RPL13A: variants seen among roughly 807,000 people sequenced by gnomAD.
RPL13A encodes large ribosomal subunit protein uL13.
In RPL13A, 4 loss-of-function variants were observed where a neutral mutation model predicts 30.8. The ratio of observed to expected loss-of-function variants is 0.13; its 90% confidence interval spans 0.06 to 0.30. The LOEUF is 0.30. Among genes scored for constraint, RPL13A ranks in the 10% least tolerant of loss-of-function variants. The pLI is 1.00. For synonymous variants in RPL13A, 108 were observed against 104.2 expected, an observed-to-expected ratio of 1.04 and a Z score of -0.22; for missense variants, 196 against 272.6, an observed-to-expected ratio of 0.72 and a Z score of 1.98.
intron 2 of RPL13A, 72 bp downstream of exon 2, chr19:49,489,994 TTTC>T: frequency 2.3e-6 from 3 of 1,282,088 alleles, no homozygotes; most frequent in Non-Finnish European, 3.4e-6. Flanking sequence ...ATTCACCATC[TTTC>T]GTTTGAGTCT....
In RPL13A at chr19:49,490,244, T is replaced by C. The variant is rs1457515505; in HGVS notation, c.101T>C (p.Val34Ala). The change falls in exon 3 of 8, where the codon GTG becomes GCG. Residue 34 changes from valine to alanine, a missense_variant. Coordinates refer to ENST00000391857, the MANE Select transcript of RPL13A (RefSeq NM_012423.4). ...TCCCTCCCTCTAGGCCGGAAGGTGG[T>C]GGTCGTACGCTGTGAAGGCATCAAC... ...AKQVLLGRKVVVVRCEGINIS... is the reference protein window; with the variant it reads ...AKQVLLGRKVAVVRCEGINIS... 1.9e-6 allele frequency: 3 copies of C among 1,613,948 alleles called. No homozygotes were observed. Among genetic ancestry groups the C allele is most frequent in the Non-Finnish European group, 2.5e-6 (3 of 1,180,038 alleles).
Position 49,490,573 on chromosome 19 carries a change from C to A in RPL13A, c.253C>A (p.Arg85=), listed in dbSNP as rs562870052. ...CAGCCGCATCTTCTGGCGGACCGTG[C>A]GAGGTGAGCAGAGCGTGGGGACTGC... The part of the protein sequence containing the change: ...APSRIFWRTV[R]GMLPHKTKRG... The change falls in exon 4 of 8, where the codon CGA becomes AGA. Residue 85 remains arginine (R), a synonymous_variant. Coordinates refer to ENST00000391857, the MANE Select transcript of RPL13A (RefSeq NM_012423.4). 6.2e-7 allele frequency: 1 copy of A among 1,614,134 alleles called. No individual in the cohort carries two copies. Among genetic ancestry groups the A allele is most frequent in the African/African-American group, 1.3e-5 (1 of 75,066 alleles).
intron 2 of RPL13A, 128 bp downstream of exon 2, chr19:49,490,050 C>T (rs1189813270): frequency 1.0e-6 from 1 of 1,001,744 alleles, no homozygotes; most frequent in Admixed American, 1.7e-5. Flanking sequence ...TGAGACCTGC[C>T]AGCCACTCTT....
chr19:49,492,021 T>G lies in RPL13A; in HGVS notation c.*206T>G. On this transcript the variant is annotated 3_prime_UTR_variant, in exon 8 of 8. Coordinates refer to ENST00000391857, the MANE Select transcript of RPL13A (RefSeq NM_012423.4). ...GAGAATTGTGCAGGTGTCATTTATC[T>G]ATGACCAATAGGAAGAGCAACCAGT... 1 of 549,828 alleles carries G rather than the reference T, an allele frequency of 1.8e-6. No homozygotes were observed. Among genetic ancestry groups the G allele is most frequent in the Non-Finnish European group, 3.3e-6 (1 of 305,322 alleles). 34.1% of individuals were successfully genotyped at this position (549,828 alleles called of 1,614,324 possible). A position where few individuals can be genotyped will look rare whatever the true frequency, so the allele number is the denominator to read the frequency against.
At chr19:49,488,456 C>T (rs763854776) in intron 1 of RPL13A, among the ~76,000 whole-genome samples, 1 of 152,196 alleles carries the variant, frequency 6.6e-6, no homozygotes, top group African/African-American at 2.4e-5. Flanking sequence ...TTGTGTTCAC[C>T]AAGCATGTGT....
intron 6 of RPL13A, 159 bp downstream of exon 6, chr19:49,491,258 G>A: frequency 8.5e-7 from 1 of 1,179,786 alleles, no homozygotes; most frequent in South Asian, 1.2e-5. Context: ...CTGATGCCAG[G>A]AGGCTTGGGT....
chr19:49,490,439 A>G, intron 3 of RPL13A, 36 bp from the exon 4 acceptor site: 1 of 1,607,866 alleles, frequency 6.2e-7, no homozygotes, highest in Non-Finnish European at 8.5e-7. Context: ...GGGTGCTGGT[A>G]GACTGGGCAG....
chr19:49,488,770 A>G (rs2079834818), intron 1 of RPL13A, among the ~76,000 whole-genome samples: 1 of 152,192 alleles, frequency 6.6e-6, no homozygotes, highest in African/African-American at 2.4e-5. Flanking sequence ...CAATGGTGCG[A>G]TCTTGGCTCA....
chr19:49,489,507 A>G (rs997318371), intron 1 of RPL13A, among the ~76,000 whole-genome samples: 1 of 152,168 alleles, frequency 6.6e-6, no homozygotes, highest in African/African-American at 2.4e-5. Flanking sequence ...ATTAGTTACA[A>G]GGTCTTGTAA....
rs183882462 is a variant in RPL13A, at chr19:49,487,845, C to T, written c.15+201C>T. Among the ~76,000 whole-genome samples the T allele has an allele frequency of 5.9e-5, 9 of 152,306 alleles. No homozygotes were observed. In the East Asian group the frequency reaches 7.7e-4, roughly 13 times the overall value. ...TAGGGTTGGCTACAATGTGGCATTT[C>T]CTTCTCGAGGCGAGGGTGATAGAGC... On this transcript the variant is annotated intron_variant, in intron 1 of 7. Coordinates refer to ENST00000391857, the MANE Select transcript of RPL13A (RefSeq NM_012423.4).
Position 49,490,542 on chromosome 19 carries a change from G to A in RPL13A, c.222G>A (p.Arg74=). ...CTTCCCGAGGCCCCTACCACTTCCG[G>A]GCCCCCAGCCGCATCTTCTGGCGGA... ...TNPSRGPYHF[R]APSRIFWRTV... Residue 74 remains arginine (R), a synonymous_variant, in exon 4 of 8, where the codon CGG becomes CGA. Transcript: ENST00000391857. The A allele has an allele frequency of 6.2e-7, 1 of 1,614,174 alleles. No individual in the cohort carries two copies. The highest frequency in any genetic ancestry group is 1.6e-4 in the Middle Eastern group (1 of 6,062).
chr19:49,491,652 TG>T, intron 7 of RPL13A, 76 bp from the exon 8 acceptor site: 1 of 1,575,394 alleles, frequency 6.3e-7, no homozygotes, highest in Non-Finnish European at 8.6e-7. Context: ...CAGCCGGGGT[TG>T]GGGTGGGATG....
chr19:49,491,286 G>A (rs1178093932), intron 6 of RPL13A, 139 bp from the exon 7 acceptor site: 1 of 1,150,212 alleles, frequency 8.7e-7, no homozygotes, highest in African/African-American at 1.5e-5. Flanking sequence ...TTTCTAACAG[G>A]CCTGCAGAGA....
chr19:49,489,734 T>A (rs763321525), intron 1 of RPL13A, 116 bp from the exon 2 acceptor site: 1 of 833,574 alleles, frequency 1.2e-6, no homozygotes, highest in Admixed American at 1.8e-5. Context: ...CCAGCTCTGA[T>A]GGCTGGGTGC....
At chr19:49,487,735 G>A (rs78663425) in intron 1 of RPL13A, 91 bp downstream of exon 1, 7 of 1,317,168 alleles carry the variant, frequency 5.3e-6, no homozygotes, top group Admixed American at 3.4e-5. Flanking sequence ...CATGTTTTGC[G>A]GAGCTTAACA....
At chr19:49,489,089 A>G (rs1233197512) in intron 1 of RPL13A, among the ~76,000 whole-genome samples, 1 of 152,228 alleles carries the variant, frequency 6.6e-6, no homozygotes, top group Non-Finnish European at 1.5e-5. Flanking sequence ...CAGAGCTAGC[A>G]TGGGCTTTTG....
chr19:49,490,959 ACTGGCTGAGACG>A (rs781353676), intron 5 of RPL13A, 69 bp from the exon 6 acceptor site: 1 of 1,604,170 alleles, frequency 6.2e-7, no homozygotes, highest in Non-Finnish European at 8.5e-7. Context: ...TGAAAGCAGC[ACTGGCTGAGACG>A]CCAGTCCAGC....
intron 6 of RPL13A, 32 bp downstream of exon 6, chr19:49,491,131 TGG>T (rs773235184): frequency 1.2e-6 from 2 of 1,613,194 alleles, no homozygotes; most frequent in South Asian, 2.2e-5. Flanking sequence ...ACCATCTACT[TGG>T]GAGATTTCAG....
Position 49,491,098 on chromosome 19 carries a change from A to G in RPL13A, c.401A>G (p.Lys134Arg). The stretch of plus-strand genomic sequence containing the variant: ...GTCGTGCGTCTGAAGCCTACAAGAA[A>G]GGTGAGTCCCAGCTTACGCTGCACC... The part of the protein sequence containing the change: ...LKVVRLKPTR[K>R]FAYLGRLAHE... The change falls in exon 6 of 8, where the codon AAG (lysine) becomes AGG (arginine). Residue 134 changes from lysine (K) to arginine (R), a missense_variant and splice_region_variant. Transcript: ENST00000391857. 3.7e-6 allele frequency: 6 copies of G among 1,614,178 alleles called. No individual in the cohort carries two copies. The highest frequency in any genetic ancestry group is 1.1e-5 in the South Asian group (1 of 91,084).
Sources: allele counts gnomAD v4.1 joint callset (sites outside exome capture counted in the v4.1 genomes callset), GRCh38; gene constraint gnomAD v4.1.1; transcripts MANE v1.5; gene names NCBI Gene and HGNC (gene_info 2026-07-23, HGNC 2026-07-21).